ROBO1: variants seen among roughly 807,000 people sequenced by gnomAD.
ROBO1 encodes roundabout guidance receptor 1.
ROBO1 carries 149 observed loss-of-function variants against 195.9 expected under a neutral mutation model. That is an observed-to-expected ratio of 0.76 (90% confidence interval 0.67 to 0.87). The LOEUF is 0.87. ROBO1 is among the 40% of genes least tolerant of loss of function. The pLI is 0.00. For missense variants in ROBO1, 1,933 were observed against 2,068.3 expected (o/e 0.93, Z 1.27); for synonymous variants, 816 against 733.2 (o/e 1.11, Z -1.82).
chr3:79,053,823 G>T (rs1004397373), intron 3 of ROBO1, among the ~76,000 whole-genome samples: 4 of 152,028 alleles, frequency 2.6e-5, no homozygotes, highest in African/African-American at 4.8e-5. Context: ...CCAAAACAAA[G>T]AAACAAGTGG....
intron 3 of ROBO1, among the ~76,000 whole-genome samples, chr3:78,950,442 A>G (rs998054621): frequency 6.9e-6 from 1 of 144,472 alleles, no homozygotes; most frequent in African/African-American, 2.6e-5. Flanking sequence ...GTTCTCACTC[A>G]TAGGTGGGAA....
At chr3:78,725,375 TA>T (rs3836363) in intron 5 of ROBO1, among the ~76,000 whole-genome samples, 108,010 of 151,952 alleles carry the variant, frequency 0.71, 39,409 homozygotes, top group Middle Eastern at 0.81. Flanking sequence ...AGTCTCAGGT[TA>T]AAAAAAATGT....
Position 78,653,200 on chromosome 3 carries a change from TTCCAGTTCCCTGCCTCCC to T in ROBO1, c.2615-1289_2615-1272del, listed in dbSNP as rs199602803. Reference sequence around the variant, plus strand: ...TCTGGGTTTTGACACCCTTGACAATTTCCAGTTCCCTGCCTCCCTCCAGTTCCCTGCCTCCCTCCAGTT... The same window carrying T: ...TCTGGGTTTTGACACCCTTGACAATTTCCAGTTCCCTGCCTCCCTCCAGTT... On this transcript the variant is annotated intron_variant, in intron 18 of 30. Transcript: ENST00000464233. Among the ~76,000 whole-genome samples the T allele has an allele frequency of 0.013, 2,000 of 152,114 alleles. 118 individuals carry two copies. In the East Asian group the frequency reaches 0.21, roughly 16 times the overall value.
intron 2 of ROBO1, among the ~76,000 whole-genome samples, chr3:79,529,337 T>A (rs1941556589): frequency 6.6e-6 from 1 of 151,978 alleles, no homozygotes; most frequent in Non-Finnish European, 1.5e-5. Context: ...ACAAAAAAAA[T>A]TAGCTAGGCC....
At chr3:79,273,515 T>A (rs2108978887) in intron 2 of ROBO1, among the ~76,000 whole-genome samples, 1 of 151,712 alleles carries the variant, frequency 6.6e-6, no homozygotes, top group African/African-American at 2.4e-5. Flanking sequence ...CTATGACAGA[T>A]ACACAAAAAA....
intron 3 of ROBO1, among the ~76,000 whole-genome samples, chr3:79,110,184 C>T (rs945543055): frequency 1.4e-4 from 22 of 152,076 alleles, no homozygotes; most frequent in African/African-American, 5.3e-4. Flanking sequence ...ATAATCAGTG[C>T]TGTGTGCCCA....
At chr3:78,782,665 ACT>A (rs1296685710) in intron 4 of ROBO1, among the ~76,000 whole-genome samples, 1 of 152,168 alleles carries the variant, frequency 6.6e-6, no homozygotes, top group Non-Finnish European at 1.5e-5. Context: ...TATAAACACC[ACT>A]GTTTTTATTT....
chr3:78,797,854 A>T (rs2084231761), intron 4 of ROBO1, among the ~76,000 whole-genome samples: 1 of 152,216 alleles, frequency 6.6e-6, no homozygotes, highest in African/African-American at 2.4e-5. Flanking sequence ...AATATCTGGG[A>T]TGATATTACA....
At chr3:78,609,905 C>CTTA (rs1183531975) in intron 28 of ROBO1, among the ~76,000 whole-genome samples, 7 of 151,998 alleles carry the variant, frequency 4.6e-5, no homozygotes, top group African/African-American at 1.7e-4. Flanking sequence ...TTTTTTGAAA[C>CTTA]TTATTTTCTT....
intron 2 of ROBO1, among the ~76,000 whole-genome samples, chr3:79,465,243 T>G (rs1305918021): frequency 6.6e-6 from 1 of 152,152 alleles, no homozygotes; most frequent in Non-Finnish European, 1.5e-5. Flanking sequence ...AGAACATTAT[T>G]TATTAATAGT....
rs896258191 is a variant in ROBO1 at position 79,741,625 on chromosome 3, G to A, written c.-51+26127C>T. ...TAAAATGCCATGTGTTGGGAGTGAGGCATTGCTATAAAGATATCTGAAAAT... is the reference window on the plus strand; with the variant it reads ...TAAAATGCCATGTGTTGGGAGTGAGACATTGCTATAAAGATATCTGAAAAT... On this transcript the variant is annotated intron_variant, in intron 1 of 30. Coordinates refer to ENST00000464233, the MANE Select transcript of ROBO1 (RefSeq NM_002941.4). 2.6e-5 allele frequency among the ~76,000 whole-genome samples: 4 copies of A among 152,120 alleles called. No homozygotes were observed. The East Asian group carries it at 7.7e-4, about 29-fold the overall frequency.
chr3:79,715,737 G>A (rs999185673), intron 1 of ROBO1, among the ~76,000 whole-genome samples: 1 of 151,730 alleles, frequency 6.6e-6, no homozygotes, highest in East Asian at 1.9e-4. Flanking sequence ...ATTTGTGCTC[G>A]GCTTTTATTT....
chr3:79,457,815 CCT>C (rs1309364372), intron 2 of ROBO1, among the ~76,000 whole-genome samples: 1 of 152,118 alleles, frequency 6.6e-6, no homozygotes, highest in African/African-American at 2.4e-5. Context: ...GTCCATTAAA[CCT>C]CTTTTTCTTT....
intron 2 of ROBO1, among the ~76,000 whole-genome samples, chr3:79,520,408 A>G (rs6548628): frequency 6.6e-6 from 1 of 151,894 alleles, no homozygotes; most frequent in East Asian, 1.9e-4. Context: ...CTAGAGTACA[A>G]ATTTTCTGGC....
At chr3:79,504,375 CAT>C (rs1940278173) in intron 2 of ROBO1, among the ~76,000 whole-genome samples, 1 of 151,954 alleles carries the variant, frequency 6.6e-6, no homozygotes, top group South Asian at 2.1e-4. Context: ...TTGTTAGAAA[CAT>C]AATTTGCTTT....
chr3:78,661,986 A>C lies in ROBO1; in HGVS notation c.2088+7T>G, dbSNP rs76931835. The stretch of plus-strand genomic sequence containing the variant: ...TAAAACTGAGATCAAATATTGTAAC[A>C]ACTCACTGTCCAGTGCACTTCGATG... On this transcript the variant is annotated splice_region_variant and intron_variant, in intron 15 of 30. Transcript: ENST00000464233. 6.3e-3 allele frequency: 10,119 copies of C among 1,605,822 alleles called. 37 individuals are homozygous for C. The highest frequency in any genetic ancestry group is 7.2e-3 in the Non-Finnish European group (8,422 of 1,176,684).
intron 1 of ROBO1, among the ~76,000 whole-genome samples, chr3:79,617,888 G>T (rs9839932): frequency 0.29 from 37,836 of 130,068 alleles, 6,149 homozygotes; most frequent in African/African-American, 0.47. Context: ...AACAATTCAA[G>T]TTATACATGA....
chr3:78,928,947 CGGGGAG>C (rs2039361958), intron 4 of ROBO1, among the ~76,000 whole-genome samples: 1 of 151,926 alleles, frequency 6.6e-6, no homozygotes, highest in African/African-American at 2.4e-5. Context: ...TGTACAGAGT[CGGGGAG>C]GGGGAGAGAT....
intron 4 of ROBO1, among the ~76,000 whole-genome samples, chr3:78,781,120 A>G (rs1439325741): frequency 6.6e-6 from 1 of 152,158 alleles, no homozygotes; most frequent in Non-Finnish European, 1.5e-5. Flanking sequence ...AACAACAATG[A>G]CAACAAAACA....
Sources: gnomAD v4.1 joint callset for allele counts (sites outside exome capture counted in the v4.1 genomes callset) on GRCh38, gnomAD v4.1.1 for gene constraint, MANE v1.5 for transcripts, NCBI Gene and HGNC (gene_info 2026-07-23, HGNC 2026-07-21) for gene names.